The following TBC1D30 variants were observed in gnomAD, a reference collection of about 807,000 sequenced individuals.
The protein encoded by TBC1D30 is TBC1 domain family member 30, also known as TBC1 domain family, member 30.
In TBC1D30, 31 loss-of-function variants were observed where a neutral mutation model predicts 63.2. That is an observed-to-expected ratio of 0.49 (90% confidence interval 0.37 to 0.66). The LOEUF is 0.66. Ranked by LOEUF, TBC1D30 falls within the 30% of genes least tolerant of loss-of-function variation. TBC1D30 has a pLI of 0.00. For synonymous variants in TBC1D30, 307 were observed against 361.5 expected, an observed-to-expected ratio of 0.85 and a Z score of 1.71; for missense variants, 810 against 953.6, an observed-to-expected ratio of 0.85 and a Z score of 1.98.
At chr12:64,845,087 A>C (rs1014765223) in intron 8 of TBC1D30, among the ~76,000 whole-genome samples, 3 of 152,214 alleles carry the variant, frequency 2.0e-5, no homozygotes, top group Admixed American at 6.5e-5. Context: ...ATGGGAGTGC[A>C]GATACTGTTT....
At chr12:64,819,027 A>G (rs1030608460) in intron 2 of TBC1D30, among the ~76,000 whole-genome samples, 9 of 152,216 alleles carry the variant, frequency 5.9e-5, no homozygotes, top group Non-Finnish European at 1.3e-4. Context: ...CTAAGGTTAC[A>G]TGGATCTGGC....
chr12:64,807,343 C>T (rs564319613), intron 2 of TBC1D30, among the ~76,000 whole-genome samples: 10 of 152,248 alleles, frequency 6.6e-5, no homozygotes, highest in Middle Eastern at 3.4e-3. Flanking sequence ...TATAAATTAC[C>T]CAATCTCGGG....
intron 1 of TBC1D30, among the ~76,000 whole-genome samples, chr12:64,762,324 T>C (rs2136265804): frequency 6.6e-6 from 1 of 152,316 alleles, no homozygotes. Context: ...AATTGGAAAT[T>C]ACTGAAAGAA....
intron 8 of TBC1D30, among the ~76,000 whole-genome samples, chr12:64,845,543 G>A (rs892686163): frequency 2.0e-4 from 30 of 152,094 alleles, no homozygotes; most frequent in Middle Eastern, 6.8e-3. Flanking sequence ...TGACTAACAC[G>A]GTGAAACCCT....
At chr12:64,764,073 T>C (rs1334274887) in intron 1 of TBC1D30, among the ~76,000 whole-genome samples, 2 of 152,228 alleles carry the variant, frequency 1.3e-5, no homozygotes, top group Non-Finnish European at 2.9e-5. Flanking sequence ...ATGTCTCAGA[T>C]GTTTTCAGTT....
intron 8 of TBC1D30, among the ~76,000 whole-genome samples, chr12:64,852,964 A>G (rs958318176): frequency 6.6e-6 from 1 of 152,120 alleles, no homozygotes; most frequent in Admixed American, 6.5e-5. Context: ...GAGGCACGGG[A>G]GTCAGGGCCC....
intron 3 of TBC1D30, among the ~76,000 whole-genome samples, chr12:64,829,254 A>C (rs1405991570): frequency 2.0e-5 from 3 of 152,094 alleles, no homozygotes; most frequent in Non-Finnish European, 4.4e-5. Context: ...AGAATATGAG[A>C]GACAAGGGCT....
rs12146823 is a variant in TBC1D30 at position 64,879,148 on chromosome 12, A to G, written c.*3360A>G. On this transcript the variant is annotated 3_prime_UTR_variant, in exon 12 of 12. Transcript: ENST00000539867. The stretch of plus-strand genomic sequence containing the variant: ...AGCATAAAGAATCATCAATACTCTG[A>G]TATAGATATAGATCTTTCCAGTACG... The G allele has an allele frequency of 0.11, 16,733 of 152,570 alleles. 1,013 individuals carry two copies. The highest frequency in any genetic ancestry group is 0.16 in the Middle Eastern group (47 of 292). The allele number at this position is 152,570 out of a possible 1,614,324, so 9.5% of individuals were successfully genotyped here.
chr12:64,861,957 T>C (rs1311614367), intron 8 of TBC1D30, among the ~76,000 whole-genome samples: 1 of 152,166 alleles, frequency 6.6e-6, no homozygotes, highest in Non-Finnish European at 1.5e-5. Context: ...TCATGTTTGA[T>C]GAATTAAATT....
intron 1 of TBC1D30, among the ~76,000 whole-genome samples, chr12:64,773,576 G>T (rs1229698216): frequency 6.6e-6 from 1 of 152,198 alleles, no homozygotes; most frequent in Non-Finnish European, 1.5e-5. Flanking sequence ...CCTTCTACAG[G>T]TGTGTTTGAG....
chr12:64,848,410 G>A (rs941754012), intron 8 of TBC1D30, among the ~76,000 whole-genome samples: 3 of 151,916 alleles, frequency 2.0e-5, no homozygotes, highest in Non-Finnish European at 2.9e-5. Flanking sequence ...TTCTCCTAAT[G>A]CTATCCCTCC....
intron 5 of TBC1D30, 88 bp from the exon 6 acceptor site, chr12:64,836,402 A>T: frequency 9.3e-7 from 1 of 1,074,652 alleles, no homozygotes; most frequent in Non-Finnish European, 1.3e-6. Flanking sequence ...ACAGCGTTTT[A>T]TCTATTTGAA....
chr12:64,847,275 CT>C (rs1351541469), intron 8 of TBC1D30, among the ~76,000 whole-genome samples: 1 of 151,844 alleles, frequency 6.6e-6, no homozygotes, highest in Non-Finnish European at 1.5e-5. Context: ...GATCTTCTCT[CT>C]TTTTTTCTTA....
At chr12:64,849,158 G>A (rs893703179) in intron 8 of TBC1D30, among the ~76,000 whole-genome samples, 3 of 152,122 alleles carry the variant, frequency 2.0e-5, no homozygotes, top group Non-Finnish European at 2.9e-5. Flanking sequence ...TAAGTTCCTT[G>A]TAGATTCTGG....
chr12:64,880,924 A>G lies in TBC1D30; in HGVS notation c.*5136A>G, dbSNP rs552507320. On this transcript the variant is annotated 3_prime_UTR_variant, in exon 12 of 12. Coordinates refer to ENST00000539867, the MANE Select transcript of TBC1D30 (RefSeq NM_015279.2). ...GGATCAATTCTCCTATGGGACCAAC[A>G]GTTTTCTGGGAAGAAACTTCCTGAT... 2 of 152,224 alleles carry G rather than the reference A, an allele frequency of 1.3e-5. No individual in the cohort carries two copies. Among genetic ancestry groups the G allele is most frequent in the Non-Finnish European group, 2.9e-5 (2 of 68,046 alleles). The allele number at this position is 152,224 out of a possible 1,614,324, so 9.4% of individuals were successfully genotyped here. A position where few individuals can be genotyped will look rare whatever the true frequency, so the allele number is the denominator to read the frequency against.
intron 5 of TBC1D30, among the ~76,000 whole-genome samples, chr12:64,836,192 C>A (rs370616080): frequency 6.6e-6 from 1 of 152,170 alleles, no homozygotes; most frequent in African/African-American, 2.4e-5. Flanking sequence ...CTCAGAATGA[C>A]GCTAAGGGTT....
chr12:64,781,039 C>A, exon 1 of TBC1D30: 1 of 1,023,580 alleles, frequency 9.8e-7, no homozygotes, highest in Non-Finnish European at 1.2e-6. Context: ...GCACAAGCCG[C>A]ACGGCGTCCC....
chr12:64,855,677 ACT>A (rs1450888566), intron 8 of TBC1D30, among the ~76,000 whole-genome samples: 1 of 150,772 alleles, frequency 6.6e-6, no homozygotes, highest in African/African-American at 2.4e-5. Flanking sequence ...TAACTATTTC[ACT>A]CTTTTTGTTA....
At chr12:64,810,635 G>A (rs952545170) in intron 2 of TBC1D30, among the ~76,000 whole-genome samples, 3 of 151,968 alleles carry the variant, frequency 2.0e-5, no homozygotes, top group Non-Finnish European at 4.4e-5. Flanking sequence ...AAAAAACCCC[G>A]AAGTACTACT....
Sources: allele counts gnomAD v4.1 joint callset (sites outside exome capture counted in the v4.1 genomes callset), GRCh38; gene constraint gnomAD v4.1.1; transcripts MANE v1.5; gene names NCBI Gene and HGNC (gene_info 2026-07-23, HGNC 2026-07-21).